The following LEKR1 variants were observed in gnomAD, a reference collection of about 807,000 sequenced individuals.
LEKR1 encodes the protein protein LEKR1.
A neutral mutation model predicts 72.4 loss-of-function variants in LEKR1; 59 were observed. That is an observed-to-expected ratio of 0.82 (90% CI 0.66 to 1.01). LEKR1 has a LOEUF of 1.01. LEKR1 is among the 50% of genes least tolerant of loss of function. The pLI is 0.00. For synonymous variants in LEKR1, 257 were observed against 263.2 expected, an observed-to-expected ratio of 0.98 and a Z score of 0.23; for missense variants, 728 against 759.2, an observed-to-expected ratio of 0.96 and a Z score of 0.48.
chr3:156,892,965 G>A (rs946471064), intron 3 of LEKR1, among the ~76,000 whole-genome samples: 6 of 152,216 alleles, frequency 3.9e-5, no homozygotes, highest in Non-Finnish European at 7.4e-5. Context: ...TCAAAAGATC[G>A]TTATCTGGCA....
At chr3:156,863,244 T>C (rs1462612298) in intron 3 of LEKR1, among the ~76,000 whole-genome samples, 1 of 152,030 alleles carries the variant, frequency 6.6e-6, no homozygotes, top group East Asian at 1.9e-4. Flanking sequence ...TTCTACTATC[T>C]GTGTATCTGA....
In LEKR1 at chr3:156,928,201, A is replaced by T. The variant is rs192847947; in HGVS notation, c.559+597A>T. ...TTAGGGCAGTGAAACTAATCTGTACAATGCTACAATAGTGGAGACATGTCA... is the reference window on the plus strand; with the variant it reads ...TTAGGGCAGTGAAACTAATCTGTACTATGCTACAATAGTGGAGACATGTCA... On this transcript the variant is annotated intron_variant, in intron 5 of 12. Coordinates refer to ENST00000356539, the MANE Select transcript of LEKR1 (RefSeq NM_001004316.3). 2.8e-3 allele frequency among the ~76,000 whole-genome samples: 427 copies of T among 152,194 alleles called. 1 individual carries two copies. Among genetic ancestry groups the T allele is most frequent in the African/African-American group, 9.7e-3 (403 of 41,566 alleles).
At chr3:156,930,582 A>C (rs945142562) in intron 5 of LEKR1, among the ~76,000 whole-genome samples, 2 of 152,188 alleles carry the variant, frequency 1.3e-5, no homozygotes, top group Non-Finnish European at 2.9e-5. Context: ...TAAATACAGA[A>C]ACATGTAGCT....
At chr3:156,951,839 T>C (rs1012260626) in intron 6 of LEKR1, among the ~76,000 whole-genome samples, 1 of 151,606 alleles carries the variant, frequency 6.6e-6, no homozygotes, top group Non-Finnish European at 1.5e-5. Flanking sequence ...TTTTTGTGTG[T>C]CTTTATTTCC....
At chr3:156,861,200 C>G (rs1459909019) in intron 3 of LEKR1, among the ~76,000 whole-genome samples, 1 of 152,120 alleles carries the variant, frequency 6.6e-6, no homozygotes, top group Non-Finnish European at 1.5e-5. Flanking sequence ...ATTTCATTCA[C>G]TGAGAGGAAG....
intron 3 of LEKR1, among the ~76,000 whole-genome samples, chr3:156,892,062 A>G (rs1244463308): frequency 6.6e-6 from 1 of 152,160 alleles, no homozygotes; most frequent in African/African-American, 2.4e-5. Context: ...AAAATCAGCA[A>G]CAAGAATAAA....
intron 1 of LEKR1, among the ~76,000 whole-genome samples, chr3:156,828,528 C>T (rs374557344): frequency 3.3e-5 from 5 of 152,098 alleles, no homozygotes; most frequent in African/African-American, 9.6e-5. Context: ...CCACTGCCCT[C>T]GCCCTTCTCC....
chr3:156,896,172 G>A (rs527333537), intron 3 of LEKR1, among the ~76,000 whole-genome samples: 4 of 152,096 alleles, frequency 2.6e-5, no homozygotes, highest in South Asian at 2.1e-4. Flanking sequence ...ACACATGGGG[G>A]GAAAGAACAC....
intron 2 of LEKR1, among the ~76,000 whole-genome samples, chr3:156,835,825 C>T (rs1167285302): frequency 6.6e-6 from 1 of 150,514 alleles, no homozygotes; most frequent in Admixed American, 6.7e-5. Context: ...TCCTCGCTCC[C>T]TCCCTCTCTC....
At chr3:156,899,665 T>C (rs1222678825) in intron 3 of LEKR1, among the ~76,000 whole-genome samples, 1 of 139,040 alleles carries the variant, frequency 7.2e-6, no homozygotes, top group Non-Finnish European at 1.5e-5. Context: ...CACGCATATA[T>C]ACACATATAT....
chr3:156,882,551 G>T (rs1719523180), intron 3 of LEKR1, among the ~76,000 whole-genome samples: 1 of 152,138 alleles, frequency 6.6e-6, no homozygotes. Flanking sequence ...TACACTGTTG[G>T]TGGGAGTGTA....
At chr3:156,853,651 A>G (rs1715670229) in intron 3 of LEKR1, among the ~76,000 whole-genome samples, 1 of 152,146 alleles carries the variant, frequency 6.6e-6, no homozygotes, top group Admixed American at 6.5e-5. Flanking sequence ...ATGTCTGTGT[A>G]GTGGAAACTT....
chr3:156,972,133 C>T (rs1329998487), intron 6 of LEKR1, among the ~76,000 whole-genome samples: 1 of 152,104 alleles, frequency 6.6e-6, no homozygotes, highest in Non-Finnish European at 1.5e-5. Flanking sequence ...AAATATGGCA[C>T]ATATACACCA....
chr3:156,899,634 ACG>A (rs1721753264), intron 3 of LEKR1, among the ~76,000 whole-genome samples: 2 of 109,686 alleles, frequency 1.8e-5, no homozygotes, highest in East Asian at 5.5e-4. Flanking sequence ...ACATATATAC[ACG>A]CATATATACA....
At chr3:156,899,824 GTATA>G (rs760979760) in intron 3 of LEKR1, among the ~76,000 whole-genome samples, 3 of 149,584 alleles carry the variant, frequency 2.0e-5, no homozygotes, top group Non-Finnish European at 4.4e-5. Context: ...ACGTATATAT[GTATA>G]TATATGTACA....
At chr3:156,878,283 A>G (rs1718862161) in intron 3 of LEKR1, among the ~76,000 whole-genome samples, 1 of 152,064 alleles carries the variant, frequency 6.6e-6, no homozygotes, top group Non-Finnish European at 1.5e-5. Context: ...TTTCCTGTTA[A>G]CACTGTTTTT....
At chr3:157,011,374 G>T (rs772149571) in intron 9 of LEKR1, 39 bp from the exon 10 acceptor site, 1 of 1,319,454 alleles carries the variant, frequency 7.6e-7, no homozygotes, top group Non-Finnish European at 1.1e-6. Context: ...TTGTGTTAGG[G>T]GTAAGTATTG....
In LEKR1 at chr3:156,936,426, A is replaced by AACAC. The variant is rs561039357; in HGVS notation, c.560-6066_560-6063dup. Among the ~76,000 whole-genome samples, 338 of 76,928 alleles carry AACAC rather than the reference A, an allele frequency of 4.4e-3. 2 individuals are homozygous for AACAC. Among genetic ancestry groups the AACAC allele is most frequent in the Middle Eastern group, 0.025 (5 of 198 alleles). The allele number at this position is 76,928 out of a possible 152,430, so 50.5% of individuals were successfully genotyped here. ...TCAGTGTCCTCATCTGTACAATGAG[A>AACAC]ACACACACACACACACACACACACA... On this transcript the variant is annotated intron_variant, in intron 5 of 12. Coordinates refer to ENST00000356539, the MANE Select transcript of LEKR1 (RefSeq NM_001004316.3).
At chr3:156,891,226 C>T (rs1000030012) in intron 3 of LEKR1, among the ~76,000 whole-genome samples, 2 of 152,052 alleles carry the variant, frequency 1.3e-5, no homozygotes, top group Non-Finnish European at 2.9e-5. Flanking sequence ...ACTAGAAAAG[C>T]ATCTTTGTGT....
Sources: gnomAD v4.1 joint callset for allele counts (sites outside exome capture counted in the v4.1 genomes callset) on GRCh38, gnomAD v4.1.1 for gene constraint, MANE v1.5 for transcripts, NCBI Gene and HGNC (gene_info 2026-07-23, HGNC 2026-07-21) for gene names.